The following RORB variants were observed in gnomAD, a reference collection of about 807,000 sequenced individuals.
The protein encoded by RORB is nuclear receptor ROR-beta.
A neutral mutation model predicts 59.1 loss-of-function variants in RORB; 6 were observed. The observed-to-expected ratio is 0.10, with a 90% CI of 0.06 to 0.20. The LOEUF (loss-of-function observed/expected upper bound fraction) is 0.20. Among genes scored for constraint, RORB ranks in the 10% least tolerant of loss-of-function variants. RORB has a pLI of 1.00. For synonymous variants in RORB, 215 were observed against 204.5 expected, an observed-to-expected ratio of 1.05 and a Z score of -0.44; for missense variants, 320 against 560.5, an observed-to-expected ratio of 0.57 and a Z score of 4.33.
chr9:74,617,333 T>C lies in RORB; in HGVS notation c.8-12949T>C, dbSNP rs146558309. 8.0e-3 allele frequency among the ~76,000 whole-genome samples: 1,216 copies of C among 152,288 alleles called. 10 individuals are homozygous for C. Among genetic ancestry groups the C allele is most frequent in the Non-Finnish European group, 0.013 (889 of 68,024 alleles). On this transcript the variant is annotated intron_variant, in intron 1 of 9. Coordinates refer to ENST00000376896, the MANE Select transcript of RORB (RefSeq NM_006914.4). Reference sequence around the variant, plus strand: ...AAAAAGCAATTTGAAAGATGGAAATTTGTTAAAGTGAAATTTGAAAATTAT... The same window carrying C: ...AAAAAGCAATTTGAAAGATGGAAATCTGTTAAAGTGAAATTTGAAAATTAT...
At chr9:74,637,338 A>G (rs928727327) in intron 3 of RORB, among the ~76,000 whole-genome samples, 8 of 152,246 alleles carry the variant, frequency 5.3e-5, no homozygotes, top group Non-Finnish European at 2.9e-5. Context: ...CTGGATTTTC[A>G]TTCTCTCCTG....
chr9:74,532,163 G>A (rs2118100037), intron 1 of RORB, among the ~76,000 whole-genome samples: 1 of 152,074 alleles, frequency 6.6e-6, no homozygotes, highest in South Asian at 2.1e-4. Context: ...TAAACGAATA[G>A]TATTTATATA....
At chr9:74,549,807 G>A (rs889291582) in intron 1 of RORB, among the ~76,000 whole-genome samples, 3 of 151,784 alleles carry the variant, frequency 2.0e-5, no homozygotes, top group South Asian at 2.1e-4. Flanking sequence ...GGCTCACTGC[G>A]ACCCTCCGCC....
At chr9:74,615,719 G>C (rs1172694140) in intron 1 of RORB, 1 of 361,380 alleles carries the variant, frequency 2.8e-6, no homozygotes, top group East Asian at 8.3e-5. Flanking sequence ...GCATTTATAA[G>C]CTCTCAGCAA....
At chr9:74,562,190 G>A (rs758555443) in intron 1 of RORB, among the ~76,000 whole-genome samples, 1 of 152,108 alleles carries the variant, frequency 6.6e-6, no homozygotes, top group East Asian at 1.9e-4. Context: ...CTCAAATGCT[G>A]TATGTATTTC....
chr9:74,595,353 T>A (rs1205475841), intron 1 of RORB, among the ~76,000 whole-genome samples: 1 of 152,174 alleles, frequency 6.6e-6, no homozygotes, highest in Non-Finnish European at 1.5e-5. Context: ...AACAAAGCAG[T>A]CTTACTTTAT....
At chr9:74,533,126 G>A (rs76626399) in intron 1 of RORB, among the ~76,000 whole-genome samples, 2 of 151,812 alleles carry the variant, frequency 1.3e-5, no homozygotes, top group Non-Finnish European at 2.9e-5. Flanking sequence ...GGACTCTGTA[G>A]GCACTTGTGT....
chr9:74,593,720 A>T (rs923221160), intron 1 of RORB, among the ~76,000 whole-genome samples: 1 of 152,222 alleles, frequency 6.6e-6, no homozygotes, highest in Non-Finnish European at 1.5e-5. Context: ...ACAGTGAACA[A>T]TGTTGCTGCA....
At chr9:74,628,961 G>T (rs1436227293) in intron 1 of RORB, among the ~76,000 whole-genome samples, 1 of 151,968 alleles carries the variant, frequency 6.6e-6, no homozygotes, top group African/African-American at 2.4e-5. Flanking sequence ...ATAGAAAATA[G>T]AAATCCCATG....
At chr9:74,598,999 T>C (rs1823014059) in intron 1 of RORB, among the ~76,000 whole-genome samples, 1 of 152,094 alleles carries the variant, frequency 6.6e-6, no homozygotes, top group East Asian at 1.9e-4. Context: ...CCTTGTGAAA[T>C]CTCTCTCACG....
At chr9:74,604,079 A>G (rs993930245) in intron 1 of RORB, among the ~76,000 whole-genome samples, 8 of 152,180 alleles carry the variant, frequency 5.3e-5, no homozygotes, top group Admixed American at 5.2e-4. Flanking sequence ...TATAATTTAC[A>G]TAGAACACAA....
At chr9:74,659,882 T>G (rs560751631) in intron 4 of RORB, among the ~76,000 whole-genome samples, 1 of 152,302 alleles carries the variant, frequency 6.6e-6, no homozygotes, top group South Asian at 2.1e-4. Context: ...TTTTTGTGAA[T>G]ATAATCATTT....
chr9:74,597,958 CAAA>C (rs780695509), intron 1 of RORB, among the ~76,000 whole-genome samples: 2 of 120,810 alleles, frequency 1.7e-5, no homozygotes, highest in Non-Finnish European at 3.6e-5. Context: ...AACTCTGTCT[CAAA>C]AAAAAAAAAA....
At chr9:74,658,021 A>G (rs1442249073) in intron 4 of RORB, among the ~76,000 whole-genome samples, 2 of 151,232 alleles carry the variant, frequency 1.3e-5, no homozygotes, top group African/African-American at 2.4e-5. Flanking sequence ...AAAAAAAAAA[A>G]AAAAAAAGAA....
intron 9 of RORB, among the ~76,000 whole-genome samples, chr9:74,674,637 A>G (rs1824405764): frequency 6.6e-6 from 1 of 152,216 alleles, no homozygotes; most frequent in African/African-American, 2.4e-5. Flanking sequence ...CTTTGGGCCA[A>G]ACTTTAACCT....
chr9:74,680,996 C>A (rs778174574), intron 9 of RORB, among the ~76,000 whole-genome samples: 3 of 151,982 alleles, frequency 2.0e-5, no homozygotes, highest in Admixed American at 6.6e-5. Context: ...TTCTTGTAGA[C>A]CCCTGTAGGT....
intron 4 of RORB, among the ~76,000 whole-genome samples, chr9:74,649,421 A>G (rs531673911): frequency 1.3e-5 from 2 of 152,264 alleles, no homozygotes; most frequent in Admixed American, 1.3e-4. Flanking sequence ...TCAAAAAGGA[A>G]TTCTCCCAGT....
At chr9:74,587,655 G>C (rs924123247) in intron 1 of RORB, among the ~76,000 whole-genome samples, 3 of 152,160 alleles carry the variant, frequency 2.0e-5, no homozygotes, top group Admixed American at 2.0e-4. Context: ...GAGGATGGTT[G>C]GTCAAGGGAA....
rs1342245675 is a variant in RORB, at chr9:74,671,913, G to T, written c.1224+12G>T. The T allele has an allele frequency of 1.4e-6, 2 of 1,468,904 alleles. No homozygotes were observed. Among genetic ancestry groups the T allele is most frequent in the Non-Finnish European group, 1.9e-6 (2 of 1,053,954 alleles). 91.0% of individuals were successfully genotyped at this position (1,468,904 alleles called of 1,614,324 possible). ...AGACCTTGGCAAAGGTAGGTCCACA[G>T]ATCACAGAGCCACCACCACCAAAAG... On this transcript the variant is annotated intron_variant, in intron 9 of 9. Transcript: ENST00000376896.
Sources: allele counts gnomAD v4.1 joint callset (sites outside exome capture counted in the v4.1 genomes callset), GRCh38; gene constraint gnomAD v4.1.1; transcripts MANE v1.5; gene names NCBI Gene and HGNC (gene_info 2026-07-23, HGNC 2026-07-21).